CDK6: variants seen among roughly 807,000 people sequenced by gnomAD.
The protein encoded by CDK6 is cyclin dependent kinase 6.
Under a neutral mutation model 37.1 loss-of-function variants are expected in CDK6, and 6 were observed. The observed-to-expected ratio is 0.16, with a 90% CI of 0.09 to 0.32. The LOEUF (loss-of-function observed/expected upper bound fraction) is 0.32, where lower values mean the gene tolerates loss of function less well. CDK6 is among the 10% of genes least tolerant of loss of function. The probability of loss-of-function intolerance (pLI) is 1.00; values close to 1 mark genes in which losing one functional copy is unlikely to be tolerated. For missense variants in CDK6, 224 were observed against 418.9 expected, an observed-to-expected ratio of 0.53 and a Z score of 4.06; for synonymous variants, 160 against 161.3, an observed-to-expected ratio of 0.99 and a Z score of 0.06.
chr7:92,695,633 T>C (rs1379114716), intron 4 of CDK6, among the ~76,000 whole-genome samples: 2 of 152,196 alleles, frequency 1.3e-5, no homozygotes, highest in Non-Finnish European at 2.9e-5. Flanking sequence ...TTCTCTGGGC[T>C]CACAGCAATA....
rs1321739926 is a variant in CDK6 at position 92,695,944 on chromosome 7, A to G, written c.538-24409T>C. On this transcript the variant is annotated intron_variant, in intron 4 of 7. Coordinates refer to ENST00000424848, the MANE Select transcript of CDK6 (RefSeq NM_001145306.2). ...CCTCTCTCACGCACATCGGTTTCTG[A>G]TTTCAGTTGGAGCAGCTCAGAAACA... Among the ~76,000 whole-genome samples, 3 of 152,194 alleles carry G rather than the reference A, an allele frequency of 2.0e-5. No individual in the cohort carries two copies. In the East Asian group the frequency reaches 5.8e-4, roughly 29 times the overall value.
rs1342237397 is a variant in CDK6, at chr7:92,818,654, GGTA to G, written c.233+14434_233+14436del. ...ACATAAAGCATTAAGGAAATGAAAA[GGTA>G]AGCCAAAGACCTGAAGAAAATATTT... On this transcript the variant is annotated intron_variant, in intron 2 of 7. Coordinates refer to ENST00000424848, the MANE Select transcript of CDK6 (RefSeq NM_001145306.2). Among the ~76,000 whole-genome samples, 6 of 151,872 alleles carry G rather than the reference GGTA, an allele frequency of 4.0e-5. No individual in the cohort carries two copies. In the East Asian group the frequency reaches 1.2e-3, roughly 29 times the overall value.
At chr7:92,692,155 A>T (rs928190187) in intron 4 of CDK6, among the ~76,000 whole-genome samples, 1 of 152,064 alleles carries the variant, frequency 6.6e-6, no homozygotes, top group Non-Finnish European at 1.5e-5. Flanking sequence ...AATCCCAGTT[A>T]TTTGGGAGGC....
At chr7:92,691,071 T>C (rs1797589574) in intron 4 of CDK6, among the ~76,000 whole-genome samples, 1 of 152,242 alleles carries the variant, frequency 6.6e-6, no homozygotes, top group Admixed American at 6.5e-5. Flanking sequence ...GAACAAATTC[T>C]AATTACTTAT....
intron 2 of CDK6, among the ~76,000 whole-genome samples, chr7:92,786,129 T>C (rs1380004079): frequency 1.3e-5 from 2 of 152,180 alleles, no homozygotes; most frequent in East Asian, 1.9e-4. Context: ...TCTCTGTCCA[T>C]TTCTGACCTG....
In CDK6 at chr7:92,715,281, AAGTAGTAGAGCTTTTTCTCCCTTATTT is replaced by A. The variant is rs536693049; in HGVS notation, c.537+10318_537+10344del. 5.5e-3 allele frequency among the ~76,000 whole-genome samples: 838 copies of A among 152,336 alleles called. 10 individuals are homozygous for A. The highest frequency in any genetic ancestry group is 0.019 in the African/African-American group (802 of 41,572). On this transcript the variant is annotated intron_variant, in intron 4 of 7. Transcript: ENST00000424848. The stretch of plus-strand genomic sequence containing the variant: ...AACTTTATATCAGTATCCAAACCTG[AAGTAGTAGAGCTTTTTCTCCCTTATTT>A]TGGGGTTTTTATGGTTGAGCTGTTA...
intron 5 of CDK6, among the ~76,000 whole-genome samples, chr7:92,626,538 A>T (rs1169470241): frequency 1.3e-5 from 2 of 152,118 alleles, no homozygotes; most frequent in Admixed American, 1.3e-4. Context: ...TCTGACTTCA[A>T]TGAACAGCAA....
In CDK6 at chr7:92,811,014, C is replaced by T. The variant is rs192591811; in HGVS notation, c.233+22077G>A. On this transcript the variant is annotated intron_variant, in intron 2 of 7. Transcript: ENST00000424848. ...CCAGGAGGCGGAGGTTGCAGTGAGCCGAGATCGCGCCCGGTGACAGAATGA... is the reference window on the plus strand; with the variant it reads ...CCAGGAGGCGGAGGTTGCAGTGAGCTGAGATCGCGCCCGGTGACAGAATGA... Among the ~76,000 whole-genome samples the T allele has an allele frequency of 2.1e-3, 314 of 151,686 alleles. 1 individual carries two copies. Among genetic ancestry groups the T allele is most frequent in the South Asian group, 6.7e-3 (32 of 4,804 alleles).
intron 5 of CDK6, among the ~76,000 whole-genome samples, chr7:92,636,524 A>C (rs1796173824): frequency 6.6e-6 from 1 of 152,274 alleles, no homozygotes; most frequent in Middle Eastern, 3.4e-3. Context: ...CATATTTTTG[A>C]TTTTATAACT....
chr7:92,736,102 T>C (rs772460832), intron 3 of CDK6, among the ~76,000 whole-genome samples: 9 of 152,110 alleles, frequency 5.9e-5, no homozygotes, highest in Non-Finnish European at 1.3e-4. Flanking sequence ...GCAACTTTCG[T>C]GGGCCTTGCT....
intron 5 of CDK6, among the ~76,000 whole-genome samples, chr7:92,633,290 A>G (rs1796096384): frequency 6.6e-6 from 1 of 152,118 alleles, no homozygotes; most frequent in Non-Finnish European, 1.5e-5. Flanking sequence ...TAACTCAACA[A>G]TTTGGTACAG....
rs1418778216 is a variant in CDK6 at position 92,614,027 on chromosome 7, A to G, written c.*1113T>C. 1 of 233,160 alleles carries G rather than the reference A, an allele frequency of 4.3e-6. No homozygotes were observed. The highest frequency in any genetic ancestry group is 2.2e-5 in the African/African-American group (1 of 45,368). 14.4% of individuals were successfully genotyped at this position (233,160 alleles called of 1,614,324 possible). On this transcript the variant is annotated 3_prime_UTR_variant, in exon 8 of 8. Transcript: ENST00000424848. The stretch of plus-strand genomic sequence containing the variant: ...TCAGAAGTGCCGGGAGATAGACAAG[A>G]TGGATACTTTGCCAACAAGGCAGTG...
At chr7:92,618,726 C>T (rs1018651208) in intron 6 of CDK6, among the ~76,000 whole-genome samples, 3 of 152,170 alleles carry the variant, frequency 2.0e-5, no homozygotes, top group African/African-American at 4.8e-5. Context: ...TAAATATATA[C>T]ATTAGAATCA....
chr7:92,704,287 C>A (rs1797921380), intron 4 of CDK6, among the ~76,000 whole-genome samples: 1 of 152,068 alleles, frequency 6.6e-6, no homozygotes, highest in Non-Finnish European at 1.5e-5. Flanking sequence ...GACTGGCCAG[C>A]AGAAACTATA....
At chr7:92,780,807 C>A (rs939095161) in intron 2 of CDK6, among the ~76,000 whole-genome samples, 83 of 144,640 alleles carry the variant, frequency 5.7e-4, no homozygotes, top group South Asian at 8.9e-4. Context: ...ACAACAACAA[C>A]AAAAAAAACC....
rs1469335337 is a variant in CDK6 at position 92,608,965 on chromosome 7, A to G, written c.*6175T>C. The G allele has an allele frequency of 4.3e-6, 1 of 233,050 alleles. No homozygotes were observed. Among genetic ancestry groups the G allele is most frequent in the Non-Finnish European group, 8.5e-6 (1 of 117,890 alleles). 14.4% of individuals were successfully genotyped at this position (233,050 alleles called of 1,614,324 possible). ...AATGGGGTTCAGACTGGCCACTGTTATAACAAACCCTGGGGTGGAATTCGG... is the reference window on the plus strand; with the variant it reads ...AATGGGGTTCAGACTGGCCACTGTTGTAACAAACCCTGGGGTGGAATTCGG... On this transcript the variant is annotated 3_prime_UTR_variant, in exon 8 of 8. Transcript: ENST00000424848.
intron 2 of CDK6, among the ~76,000 whole-genome samples, chr7:92,807,496 A>G (rs977259805): frequency 1.3e-5 from 2 of 151,670 alleles, no homozygotes; most frequent in Middle Eastern, 3.2e-3. Context: ...ATGTAAGTTT[A>G]TATCTATCTA....
At chr7:92,753,799 C>T (rs940471207) in intron 3 of CDK6, among the ~76,000 whole-genome samples, 1 of 152,180 alleles carries the variant, frequency 6.6e-6, no homozygotes, top group African/African-American at 2.4e-5. Flanking sequence ...TTCATTCCTA[C>T]TCCCTGCTTT....
At chr7:92,790,371 T>C (rs1423016655) in intron 2 of CDK6, among the ~76,000 whole-genome samples, 1 of 152,190 alleles carries the variant, frequency 6.6e-6, no homozygotes. Flanking sequence ...GCCTTTATCC[T>C]GTTTCCCAAA....
Sources: gnomAD v4.1 joint callset for allele counts (sites outside exome capture counted in the v4.1 genomes callset) on GRCh38, gnomAD v4.1.1 for gene constraint, MANE v1.5 for transcripts, NCBI Gene and HGNC (gene_info 2026-07-23, HGNC 2026-07-21) for gene names.